COP1: variants seen among roughly 807,000 people sequenced by gnomAD.
The protein encoded by COP1 is COP1 E3 ubiquitin ligase, also known as E3 ubiquitin-protein ligase COP1.
COP1 carries 24 observed loss-of-function variants against 101.3 expected under a neutral mutation model. The ratio of observed to expected loss-of-function variants is 0.24; its 90% confidence interval spans 0.17 to 0.33. The LOEUF (loss-of-function observed/expected upper bound fraction) is 0.33. Among genes scored for constraint, COP1 ranks in the 10% least tolerant of loss-of-function variants. The pLI, the probability that COP1 is intolerant of heterozygous loss-of-function variation, is 1.00. For synonymous variants in COP1, 347 were observed against 341.9 expected (o/e 1.01, Z -0.17); for missense variants, 663 against 906.2 (o/e 0.73, Z 3.45).
At chr1:176,088,139 G>A (rs563248482) in intron 9 of COP1, among the ~76,000 whole-genome samples, 1 of 152,114 alleles carries the variant, frequency 6.6e-6, no homozygotes, top group East Asian at 1.9e-4. Context: ...AGCACTAGGA[G>A]AAACACCTAA....
Position 176,164,011 on chromosome 1 carries a change from T to C in COP1, c.566-120A>G, listed in dbSNP as rs1381004432. On this transcript the variant is annotated intron_variant, in intron 3 of 19. Coordinates refer to ENST00000367669, the MANE Select transcript of COP1 (RefSeq NM_022457.7). ...ATACATAGCCTCCAAATTCAAAACA[T>C]GCTAAACAGAAAGTGTTAGCTTTTT... 7 of 555,308 alleles carry C rather than the reference T, an allele frequency of 1.3e-5. No individual in the cohort carries two copies. In the East Asian group the frequency reaches 2.1e-4, roughly 17 times the overall value. The allele number at this position is 555,308 out of a possible 1,614,324, so 34.4% of individuals were successfully genotyped here.
chr1:176,206,259 T>C (rs568633659), intron 1 of COP1: 6 of 356,542 alleles, frequency 1.7e-5, no homozygotes, highest in Non-Finnish European at 3.1e-5. Flanking sequence ...CTGCCAACTT[T>C]GTTATCCAAA....
chr1:175,955,802 G>A (rs866269854), intron 18 of COP1, among the ~76,000 whole-genome samples: 331 of 7,116 alleles, frequency 0.047, 2 homozygotes, highest in African/African-American at 0.082. Flanking sequence ...ACACACACAC[G>A]GCCTACATAC....
chr1:176,063,107 C>A (rs534611054), intron 11 of COP1, among the ~76,000 whole-genome samples: 1 of 124,806 alleles, frequency 8.0e-6, no homozygotes, highest in Non-Finnish European at 1.6e-5. Context: ...GGCCGGACTG[C>A]GGACTGCAGT....
Position 176,158,565 on chromosome 1 carries a change from A to C in COP1, c.762+4304T>G, listed in dbSNP as rs185794088. 3.8e-3 allele frequency among the ~76,000 whole-genome samples: 584 copies of C among 152,124 alleles called. 8 individuals carry two copies. The highest frequency in any genetic ancestry group is 0.013 in the African/African-American group (537 of 41,518). ...AATATATAACACATTTAGAAGTAAA[A>C]TATATGACATAAAATACTACAATGG... On this transcript the variant is annotated intron_variant, in intron 5 of 19. Transcript: ENST00000367669.
At chr1:176,162,606 GA>G (rs1694505668) in intron 5 of COP1, among the ~76,000 whole-genome samples, 1 of 152,054 alleles carries the variant, frequency 6.6e-6, no homozygotes, top group East Asian at 1.9e-4. Context: ...CTATGAAAAC[GA>G]AACTTTACTT....
intron 14 of COP1, among the ~76,000 whole-genome samples, chr1:176,035,459 A>G (rs1669339795): frequency 6.6e-6 from 1 of 152,050 alleles, no homozygotes; most frequent in Non-Finnish European, 1.5e-5. Context: ...GAGAGGAAAA[A>G]GAGATTACTA....
rs747652233 is a variant in COP1, at chr1:176,030,663, T to C, written c.1613-2975A>G. Among the ~76,000 whole-genome samples, 44 of 152,180 alleles carry C rather than the reference T, an allele frequency of 2.9e-4. 1 individual carries two copies. Among genetic ancestry groups the C allele is most frequent in the South Asian group, 8.3e-4 (4 of 4,836 alleles). On this transcript the variant is annotated intron_variant, in intron 14 of 19. Coordinates refer to ENST00000367669, the MANE Select transcript of COP1 (RefSeq NM_022457.7). Reference sequence around the variant, plus strand: ...GATATTAGAATTCAATATAACTGTCTGAGCTACAAGGGTAACTAAGATTAA... The same window carrying C: ...GATATTAGAATTCAATATAACTGTCCGAGCTACAAGGGTAACTAAGATTAA...
intron 1 of COP1, among the ~76,000 whole-genome samples, chr1:176,185,111 G>C (rs1200790542): frequency 6.6e-6 from 1 of 151,948 alleles, no homozygotes; most frequent in African/African-American, 2.4e-5. Flanking sequence ...CTAATTCCTT[G>C]AGTGATAAAT....
chr1:176,074,076 G>A (rs936580929), intron 11 of COP1, among the ~76,000 whole-genome samples: 55 of 152,106 alleles, frequency 3.6e-4, no homozygotes, highest in African/African-American at 1.2e-3. Context: ...ACAGGCATAC[G>A]CCACCATGCC....
intron 9 of COP1, among the ~76,000 whole-genome samples, chr1:176,101,813 G>A (rs1683445771): frequency 6.6e-6 from 1 of 152,124 alleles, no homozygotes; most frequent in African/African-American, 2.4e-5. Context: ...GGCCCCTTTT[G>A]ATGGGACCCT....
intron 17 of COP1, among the ~76,000 whole-genome samples, 157 bp downstream of exon 17, chr1:175,988,131 A>G (rs1657558149): frequency 6.6e-6 from 1 of 152,246 alleles, no homozygotes; most frequent in African/African-American, 2.4e-5. Flanking sequence ...CTAGTACAAC[A>G]CAAGGAAAAT....
intron 8 of COP1, among the ~76,000 whole-genome samples, chr1:176,117,408 C>T (rs2149603342): frequency 6.6e-6 from 1 of 152,196 alleles, no homozygotes; most frequent in Middle Eastern, 3.4e-3. Context: ...AAAAAACCTC[C>T]AGAAGTGTAG....
At chr1:176,124,750 TC>T (rs1687738951) in intron 8 of COP1, among the ~76,000 whole-genome samples, 1 of 152,190 alleles carries the variant, frequency 6.6e-6, no homozygotes, top group Non-Finnish European at 1.5e-5. Context: ...GATAACTCTT[TC>T]ATGTATACGT....
chr1:176,091,641 T>C (rs558562670), intron 9 of COP1, among the ~76,000 whole-genome samples: 10 of 152,208 alleles, frequency 6.6e-5, no homozygotes, highest in Non-Finnish European at 1.5e-4. Context: ...TCTGCTTAGA[T>C]GATAAGTGTG....
intron 10 of COP1, 135 bp downstream of exon 10, chr1:176,085,641 T>C (rs1452968391): frequency 6.5e-6 from 3 of 459,868 alleles, no homozygotes; most frequent in African/African-American, 5.8e-5. Flanking sequence ...AGAACCTCCA[T>C]GATGATCTGG....
intron 1 of COP1, among the ~76,000 whole-genome samples, chr1:176,187,983 G>C (rs1175524864): frequency 2.0e-5 from 3 of 152,094 alleles, no homozygotes; most frequent in African/African-American, 4.8e-5. Context: ...CCTTACAAAA[G>C]AGGTCTAAAG....
At chr1:176,046,062 CAAT>C (rs1439394774) in intron 12 of COP1, 116 bp downstream of exon 12, 37 of 743,012 alleles carry the variant, frequency 5.0e-5, no homozygotes, top group Middle Eastern at 4.0e-4. Flanking sequence ...ATACATAGTA[CAAT>C]AATAGTGTTC....
At chr1:176,051,187 C>G (rs775397663) in intron 11 of COP1, among the ~76,000 whole-genome samples, 1 of 152,102 alleles carries the variant, frequency 6.6e-6, no homozygotes, top group Admixed American at 6.6e-5. Context: ...ATTATTGGGG[C>G]TCATTCGAAG....
Sources: gnomAD v4.1 joint callset for allele counts (sites outside exome capture counted in the v4.1 genomes callset) on GRCh38, gnomAD v4.1.1 for gene constraint, MANE v1.5 for transcripts, NCBI Gene and HGNC (gene_info 2026-07-23, HGNC 2026-07-21) for gene names.